The following HPSE2 variants were observed in gnomAD, a reference collection of about 807,000 sequenced individuals.
The protein encoded by HPSE2 is heparanase 2 (inactive), also known as inactive heparanase-2.
A neutral mutation model predicts 60.5 loss-of-function variants in HPSE2; 38 were observed. The ratio of observed to expected loss-of-function variants is 0.63; its 90% CI spans 0.48 to 0.82. The LOEUF is 0.82. HPSE2 is among the 40% of genes least tolerant of loss of function. The pLI is 0.00. For synonymous variants in HPSE2, 295 were observed against 293.2 expected, an observed-to-expected ratio of 1.01 and a Z score of -0.06; for missense variants, 713 against 740.4, an observed-to-expected ratio of 0.96 and a Z score of 0.43.
intron 4 of HPSE2, among the ~76,000 whole-genome samples, chr10:98,741,790 A>G (rs528872637): frequency 6.6e-6 from 1 of 152,280 alleles, no homozygotes; most frequent in South Asian, 2.1e-4. Flanking sequence ...CAAAAGCCCC[A>G]CCATTCTTTA....
intron 3 of HPSE2, among the ~76,000 whole-genome samples, chr10:98,999,341 G>C (rs1956725545): frequency 6.6e-6 from 1 of 152,136 alleles, no homozygotes; most frequent in African/African-American, 2.4e-5. Flanking sequence ...ACATTTGTGG[G>C]CAATTTCCAG....
intron 3 of HPSE2, among the ~76,000 whole-genome samples, chr10:99,093,509 C>T (rs1843590003): frequency 6.6e-6 from 1 of 152,098 alleles, no homozygotes; most frequent in Non-Finnish European, 1.5e-5. Context: ...TTTAGTAGCT[C>T]GTAGTTCTGG....
At chr10:99,045,779 A>T (rs531266766) in intron 3 of HPSE2, among the ~76,000 whole-genome samples, 4 of 152,280 alleles carry the variant, frequency 2.6e-5, no homozygotes, top group Middle Eastern at 3.4e-3. Context: ...GTCAAGATTG[A>T]CTCAGGAAGA....
intron 2 of HPSE2, among the ~76,000 whole-genome samples, chr10:99,207,506 G>A (rs572209850): frequency 6.6e-6 from 1 of 152,116 alleles, no homozygotes; most frequent in South Asian, 2.1e-4. Flanking sequence ...TGTAATGATA[G>A]TATGTGAATA....
chr10:99,274,917 C>T, the HPSE2 span, among the ~76,000 whole-genome samples: 1 of 152,168 alleles, frequency 6.6e-6, no homozygotes, highest in South Asian at 2.1e-4. Context: ...ATAGGTGTAA[C>T]GTTTTAAACT....
intron 6 of HPSE2, among the ~76,000 whole-genome samples, chr10:98,658,140 T>G (rs546073): frequency 0.98 from 149,336 of 152,184 alleles, 73,330 homozygotes; most frequent in East Asian, 1. Context: ...TAGGGTAAAG[T>G]ATGGGCCTAA....
chr10:99,115,655 G>C (rs940031540), intron 3 of HPSE2, among the ~76,000 whole-genome samples: 3 of 152,034 alleles, frequency 2.0e-5, no homozygotes, highest in Admixed American at 2.0e-4. Flanking sequence ...AATACGTACA[G>C]TTTTTGTAAT....
intron 3 of HPSE2, among the ~76,000 whole-genome samples, chr10:98,862,484 T>C (rs1045744184): frequency 1.3e-5 from 2 of 152,180 alleles, no homozygotes; most frequent in African/African-American, 4.8e-5. Flanking sequence ...GTGTTGTTAA[T>C]CTCATACTGA....
chr10:99,298,596 C>T, the HPSE2 span, among the ~76,000 whole-genome samples: 26 of 151,924 alleles, frequency 1.7e-4, no homozygotes, highest in African/African-American at 6.0e-4. Context: ...GGTTCTTTGT[C>T]ATAATGATAC....
intron 2 of HPSE2, among the ~76,000 whole-genome samples, chr10:99,157,541 C>G (rs1237655228): frequency 2.4e-5 from 3 of 127,302 alleles, no homozygotes; most frequent in Non-Finnish European, 5.2e-5. Flanking sequence ...GGAAAACTGG[C>G]TAGCCATATG....
the HPSE2 span, among the ~76,000 whole-genome samples, chr10:99,249,920 G>A: frequency 6.6e-6 from 1 of 152,050 alleles, no homozygotes; most frequent in Non-Finnish European, 1.5e-5. Flanking sequence ...GAGGCAGGCA[G>A]ATCATGAGGT....
At chr10:99,233,325 C>T (rs974634695) in intron 1 of HPSE2, among the ~76,000 whole-genome samples, 6 of 152,182 alleles carry the variant, frequency 3.9e-5, no homozygotes, top group African/African-American at 1.2e-4. Context: ...AGTTAGGCTC[C>T]ATCTTTCTTC....
chr10:99,013,883 G>A (rs1475017493), intron 3 of HPSE2: 3 of 398,494 alleles, frequency 7.5e-6, no homozygotes, highest in South Asian at 2.0e-5. Context: ...GCACTATCCA[G>A]CCCAATAATG....
At chr10:98,469,405 C>T (rs1047642592) in intron 11 of HPSE2, among the ~76,000 whole-genome samples, 9 of 152,154 alleles carry the variant, frequency 5.9e-5, no homozygotes, top group African/African-American at 1.9e-4. Context: ...TAACTATGTC[C>T]CCCTACCACT....
At chr10:98,814,577 A>C (rs1249290675) in intron 3 of HPSE2, among the ~76,000 whole-genome samples, 2 of 152,226 alleles carry the variant, frequency 1.3e-5, no homozygotes, top group Non-Finnish European at 2.9e-5. Context: ...AACGAAAGGA[A>C]AAGGCAACAT....
the HPSE2 span, among the ~76,000 whole-genome samples, chr10:99,305,975 G>GCACACACACACACACACACA: frequency 1.9e-3 from 93 of 48,100 alleles, 1 homozygote; most frequent in Non-Finnish European, 2.4e-3. Flanking sequence ...GCGCGCGCGC[G>GCACACACACACACACACACA]CGCGCACACA....
intron 9 of HPSE2, among the ~76,000 whole-genome samples, chr10:98,606,958 C>A (rs763080986): frequency 1.3e-5 from 2 of 152,106 alleles, no homozygotes; most frequent in Non-Finnish European, 2.9e-5. Flanking sequence ...ATGAAATATT[C>A]TTAAATTTGT....
At chr10:98,511,227 T>G (rs1591292361) in intron 9 of HPSE2, among the ~76,000 whole-genome samples, 1 of 151,626 alleles carries the variant, frequency 6.6e-6, no homozygotes, top group East Asian at 2.0e-4. Flanking sequence ...CTTGGCTCAC[T>G]GCAACCTCTG....
chr10:98,762,015 C>T (rs1205620563), intron 3 of HPSE2, among the ~76,000 whole-genome samples: 1 of 150,844 alleles, frequency 6.6e-6, no homozygotes, highest in Non-Finnish European at 1.5e-5. Context: ...CCTCCCCTCC[C>T]CTCTTCTCCT....
Sources: allele counts gnomAD v4.1 joint callset (sites outside exome capture counted in the v4.1 genomes callset), GRCh38; gene constraint gnomAD v4.1.1; transcripts MANE v1.5; gene names NCBI Gene and HGNC (gene_info 2026-07-23, HGNC 2026-07-21).